Variants in TMEM127 observed in about 807,000 individuals in gnomAD.
The protein encoded by TMEM127 is transmembrane protein 127.
Under a neutral mutation model 20.1 loss-of-function variants are expected in TMEM127, and 21 were observed. That is an observed-to-expected ratio of 1.04 (90% confidence interval 0.74 to 1.50). TMEM127 has a LOEUF of 1.50. Ranked by LOEUF, TMEM127 falls within the 40% of genes most tolerant of loss-of-function variation. TMEM127 has a pLI of 0.00. For synonymous variants in TMEM127, 150 were observed against 144.7 expected (o/e 1.04, Z -0.26); for missense variants, 303 against 317.4 (o/e 0.95, Z 0.34).
rs143522428 is a variant in TMEM127, at chr2:96,254,834, C to A, written c.408G>T (p.Thr136=). 2.9e-5 allele frequency: 46 copies of A among 1,613,882 alleles called. No individual in the cohort carries two copies. The highest frequency in any genetic ancestry group is 3.6e-5 in the Non-Finnish European group (42 of 1,179,976). Residue 136 remains threonine (T), a splice_region_variant and synonymous_variant, in exon 3 of 4, where the codon ACG becomes ACT. Coordinates refer to ENST00000258439, the MANE Select transcript of TMEM127 (RefSeq NM_017849.4). The part of the protein sequence containing the change: ...TRRYAFAHIL[T]VLQCATVIGF... ...ACTGTGAGCAGGCTCACGGCTTACC[C>A]GTTAGGATATGGGCGAAGGCATAGC...
Position 96,253,670 on chromosome 2 carries a change from G to A in TMEM127, c.*138C>T, listed in dbSNP as rs963677596. 1.1e-6 allele frequency: 1 copy of A among 945,456 alleles called. No homozygotes were observed. The highest frequency in any genetic ancestry group is 1.6e-6 in the Non-Finnish European group (1 of 643,858). 58.6% of individuals were successfully genotyped at this position (945,456 alleles called of 1,614,324 possible). A position where few individuals can be genotyped will look rare whatever the true frequency, so the allele number is the denominator to read the frequency against. On this transcript the variant is annotated 3_prime_UTR_variant, in exon 4 of 4. Transcript: ENST00000258439. This position sits in a 1 kb window ranked among gnomAD's most constrained non-coding sequence, Gnocchi z 4.3. ...ATACTTGGATGACCCTAAAGGCAGA[G>A]TCTCTCCTGGGGAAGGTTTGGAGAA... is the stretch of plus-strand genomic sequence containing the variant.
chr2:96,249,715 T>G lies in TMEM127; in HGVS notation c.*4093A>C, dbSNP rs1385067774. The G allele has an allele frequency of 8.6e-6, 2 of 233,034 alleles. No individual in the cohort carries two copies. Among genetic ancestry groups the G allele is most frequent in the Non-Finnish European group, 1.7e-5 (2 of 117,946 alleles). The allele number at this position is 233,034 out of a possible 1,614,324, so 14.4% of individuals were successfully genotyped here. A position where few individuals can be genotyped will look rare whatever the true frequency, so the allele number is the denominator to read the frequency against. ...TGCAGGCTATTTGAAAACAGGGGCATGAAGTTTGTCAGTTCCCTTCTGTCT... is the reference window on the plus strand; with the variant it reads ...TGCAGGCTATTTGAAAACAGGGGCAGGAAGTTTGTCAGTTCCCTTCTGTCT... On this transcript the variant is annotated 3_prime_UTR_variant, in exon 4 of 4. Transcript: ENST00000258439.
chr2:96,250,385 G>A lies in TMEM127; in HGVS notation c.*3423C>T. On this transcript the variant is annotated 3_prime_UTR_variant, in exon 4 of 4. Transcript: ENST00000258439. ...TTTCATTATCACTCAGGTCAGAACT[G>A]GCTCCCTTCTGGGCACAGGACTTTT... The A allele has an allele frequency of 4.3e-6, 1 of 232,816 alleles. No individual in the cohort carries two copies. Among genetic ancestry groups the A allele is most frequent in the Non-Finnish European group, 8.5e-6 (1 of 117,844 alleles). The allele number at this position is 232,816 out of a possible 1,614,324, so 14.4% of individuals were successfully genotyped here.
intron 2 of TMEM127, among the ~76,000 whole-genome samples, chr2:96,256,988 C>T (rs564633816): frequency 8.5e-5 from 13 of 152,220 alleles, no homozygotes; most frequent in African/African-American, 1.7e-4. Context: ...ACAGTGCCAA[C>T]GTGCACACGT....
At chr2:96,263,822 G>A (rs1221192878) in intron 2 of TMEM127, among the ~76,000 whole-genome samples, 1 of 152,106 alleles carries the variant, frequency 6.6e-6, no homozygotes, top group Non-Finnish European at 1.5e-5. Flanking sequence ...GTGGTGGGAA[G>A]GTGGTATGTG....
intron 3 of TMEM127, 137 bp downstream of exon 3, chr2:96,254,696 G>T: frequency 8.5e-7 from 1 of 1,175,440 alleles, no homozygotes; most frequent in Non-Finnish European, 1.3e-6. Context: ...TGACACTCTG[G>T]GAAAGACTGG....
Position 96,265,270 on chromosome 2 carries a change from C to G in TMEM127, c.112G>C (p.Ala38Pro), listed in dbSNP as rs1456398772. Residue 38 changes from alanine (A) to proline (P), a missense_variant, in exon 2 of 4, where the codon GCC (alanine) becomes CCC (proline). Ala to Pro is a conservative substitution (Grantham distance 27). Transcript: ENST00000258439. ...ERSLASALPGALSITALCTAL... is the reference protein window; with the variant it reads ...ERSLASALPGPLSITALCTAL... ...GTGCACAGCGCCGTGATAGACAGGG[C>G]GCCAGGCAGGGCCGAGGCCAGGCTA... The G allele has an allele frequency of 1.3e-6, 2 of 1,580,572 alleles. No individual in the cohort carries two copies. The highest frequency in any genetic ancestry group is 1.7e-6 in the Non-Finnish European group (2 of 1,169,112).
At chr2:96,265,056 T>G in intron 2 of TMEM127, 82 bp downstream of exon 2, 4 of 1,582,694 alleles carry the variant, frequency 2.5e-6, no homozygotes, top group Non-Finnish European at 3.4e-6. Flanking sequence ...ACCAAGTGTC[T>G]GGTCCCTGGC....
At chr2:96,261,988 C>CG (rs1684320636) in intron 2 of TMEM127, among the ~76,000 whole-genome samples, 1 of 152,080 alleles carries the variant, frequency 6.6e-6, no homozygotes, top group African/African-American at 2.4e-5. Flanking sequence ...TGGCCAGGAG[C>CG]GGTGGCTCAT....
At chr2:96,259,116 TC>T (rs1684265585) in intron 2 of TMEM127, among the ~76,000 whole-genome samples, 1 of 152,212 alleles carries the variant, frequency 6.6e-6, no homozygotes, top group South Asian at 2.1e-4. Flanking sequence ...CAAGAGGACA[TC>T]CCTCCCCTTG....
intron 2 of TMEM127, among the ~76,000 whole-genome samples, chr2:96,264,179 T>G (rs752633605): frequency 6.6e-6 from 1 of 152,218 alleles, no homozygotes; most frequent in East Asian, 1.9e-4. Flanking sequence ...TATGGTCCGA[T>G]GCACAGCGGG....
rs1294717128 is a variant in TMEM127, at chr2:96,265,213, G to A, written c.169C>T (p.His57Tyr). Residue 57 changes from histidine to tyrosine, a missense_variant, in exon 2 of 4, where the codon CAC becomes TAC. Physicochemically the swap from His to Tyr is moderately conservative, Grantham distance 83. Coordinates refer to ENST00000258439, the MANE Select transcript of TMEM127 (RefSeq NM_017849.4). ...TCCTGGCGCGAACAGGTGCCTCCGT[G>A]GATGTGCAACCAGGCGGGCTCGGCG... ...ALAEPAWLHI[H>Y]GGTCSRQELG... 9 of 1,606,680 alleles carry A rather than the reference G, an allele frequency of 5.6e-6. No homozygotes were observed. The highest frequency in any genetic ancestry group is 7.6e-6 in the Non-Finnish European group (9 of 1,178,420).
rs186865041 is a variant in TMEM127, at chr2:96,255,256, T to C, written c.245-259A>G. ...GCCTAAGTGCAGGATTCTACTTCAC[T>C]GTGTATGCCATGCCCTTCTAACCAT... is the stretch of plus-strand genomic sequence containing the variant. On this transcript the variant is annotated intron_variant, in intron 2 of 3. Transcript: ENST00000258439. 2.6e-5 allele frequency among the ~76,000 whole-genome samples: 4 copies of C among 152,336 alleles called. No homozygotes were observed. The South Asian group carries it at 8.3e-4, about 32-fold the overall frequency.
chr2:96,263,108 G>A (rs1430956457), intron 2 of TMEM127, among the ~76,000 whole-genome samples: 1 of 149,396 alleles, frequency 6.7e-6, no homozygotes. Flanking sequence ...CTGGAGTGCA[G>A]TGGTGTGATC....
Position 96,254,696 on chromosome 2 carries a change from G to A in TMEM127, c.409+137C>T, listed in dbSNP as rs150996178. 3.2e-3 allele frequency: 3,786 copies of A among 1,175,402 alleles called. 8 individuals are homozygous for A. Among genetic ancestry groups the A allele is most frequent in the Non-Finnish European group, 4.0e-3 (3,172 of 789,174 alleles). The allele number at this position is 1,175,402 out of a possible 1,614,324, so 72.8% of individuals were successfully genotyped here. On this transcript the variant is annotated intron_variant, in intron 3 of 3. Coordinates refer to ENST00000258439, the MANE Select transcript of TMEM127 (RefSeq NM_017849.4). ...AGGCTGCTGACACCCTGACACTCTG[G>A]GAAAGACTGGAGCTTGGCACATGAG...
chr2:96,257,055 G>T (rs1684221330), intron 2 of TMEM127, among the ~76,000 whole-genome samples: 1 of 152,178 alleles, frequency 6.6e-6, no homozygotes, highest in Non-Finnish European at 1.5e-5. Context: ...AGCACTCAAG[G>T]GGTTCCTGGG....
rs555044642 is a variant in TMEM127, at chr2:96,254,758, C to T, written c.409+75G>A. 25 of 1,590,836 alleles carry T rather than the reference C, an allele frequency of 1.6e-5. No homozygotes were observed. The African/African-American group carries it at 3.0e-4, about 19-fold the overall frequency. Reference sequence around the variant, plus strand: ...GTGCCTGCTCAGAGAAACCAGAGCCCCCACCGGCAACTCAGACAGGATGCC... The same window carrying T: ...GTGCCTGCTCAGAGAAACCAGAGCCTCCACCGGCAACTCAGACAGGATGCC... On this transcript the variant is annotated intron_variant, in intron 3 of 3. Coordinates refer to ENST00000258439, the MANE Select transcript of TMEM127 (RefSeq NM_017849.4).
rs1684073247 is a variant in TMEM127, at chr2:96,250,871, C to G, written c.*2937G>C. 4.3e-6 allele frequency: 1 copy of G among 230,884 alleles called. No homozygotes were observed. The highest frequency in any genetic ancestry group is 1.8e-4 in the South Asian group (1 of 5,528). The allele number at this position is 230,884 out of a possible 1,614,324, so 14.3% of individuals were successfully genotyped here. On this transcript the variant is annotated 3_prime_UTR_variant, in exon 4 of 4. Transcript: ENST00000258439. ...GTGCAGTTTCTAGGGAGTGAAGGAACACGTGAAATACAGAAAATAAAGACA... is the reference window on the plus strand; with the variant it reads ...GTGCAGTTTCTAGGGAGTGAAGGAAGACGTGAAATACAGAAAATAAAGACA...
intron 2 of TMEM127, among the ~76,000 whole-genome samples, chr2:96,263,200 G>A (rs1363878923): frequency 2.0e-5 from 3 of 151,722 alleles, no homozygotes; most frequent in Non-Finnish European, 2.9e-5. Context: ...GACTACAGGC[G>A]TGTGCCACCA....
Sources: gnomAD v4.1 joint callset for allele counts (sites outside exome capture counted in the v4.1 genomes callset) on GRCh38, gnomAD v4.1.1 for gene constraint, Gnocchi (gnomAD v3.1) non-coding constraint, MANE v1.5 for transcripts, NCBI Gene and HGNC (gene_info 2026-07-23, HGNC 2026-07-21) for gene names.